UHRF2: variants seen among roughly 807,000 people sequenced by gnomAD.
UHRF2 encodes the protein E3 ubiquitin-protein ligase UHRF2.
A neutral mutation model predicts 96.8 loss-of-function variants in UHRF2; 23 were observed. The ratio of observed to expected loss-of-function variants is 0.24; its 90% CI spans 0.17 to 0.34. The LOEUF (loss-of-function observed/expected upper bound fraction) is 0.34. Ranked by LOEUF, UHRF2 falls within the 10% of genes least tolerant of loss-of-function variation. The pLI is 1.00. For synonymous variants in UHRF2, 385 were observed against 332.6 expected, an observed-to-expected ratio of 1.16 and a Z score of -1.72; for missense variants, 685 against 981.5, an observed-to-expected ratio of 0.70 and a Z score of 4.04.
intron 9 of UHRF2, 42 bp downstream of exon 9, chr9:6,486,967 C>A (rs1311176355): frequency 6.3e-7 from 1 of 1,578,900 alleles, no homozygotes; most frequent in Non-Finnish European, 8.7e-7. Flanking sequence ...CCTGCCTTGA[C>A]CATTTGTAAA....
intron 6 of UHRF2, among the ~76,000 whole-genome samples, chr9:6,480,315 G>C (rs752250723): frequency 2.6e-5 from 4 of 152,142 alleles, no homozygotes; most frequent in African/African-American, 9.7e-5. Context: ...AATTCTTTCC[G>C]TATATGTTCT....
intron 9 of UHRF2, among the ~76,000 whole-genome samples, chr9:6,488,371 T>C (rs1003251373): frequency 2.1e-5 from 3 of 141,502 alleles, no homozygotes; most frequent in Non-Finnish European, 4.5e-5. Flanking sequence ...TGCAAAACTA[T>C]ATAGTACAAT....
intron 6 of UHRF2, among the ~76,000 whole-genome samples, chr9:6,479,211 C>G (rs1212528226): frequency 1.3e-5 from 2 of 152,100 alleles, no homozygotes; most frequent in African/African-American, 2.4e-5. Flanking sequence ...TTTCCATTTC[C>G]TCTCCTATTC....
chr9:6,415,874 C>G (rs1819567526), intron 1 of UHRF2, among the ~76,000 whole-genome samples: 1 of 152,176 alleles, frequency 6.6e-6, no homozygotes, highest in African/African-American at 2.4e-5. Flanking sequence ...TAGTCTCCCA[C>G]TAGTCTCTTA....
At chr9:6,475,234 A>G (rs552640595) in intron 4 of UHRF2, among the ~76,000 whole-genome samples, 157 bp from the exon 5 acceptor site, 83 of 152,142 alleles carry the variant, frequency 5.5e-4, no homozygotes, top group Non-Finnish European at 9.7e-4. Context: ...GACTTTTCCT[A>G]CTATTGAAAA....
At chr9:6,434,599 TG>T (rs1820729737) in intron 3 of UHRF2, among the ~76,000 whole-genome samples, 1 of 151,900 alleles carries the variant, frequency 6.6e-6, no homozygotes, top group Admixed American at 6.6e-5. Flanking sequence ...TCACCACGCC[TG>T]ATTAATTCTT....
At chr9:6,453,113 ATATATAATCCAC>A (rs1272580738) in intron 3 of UHRF2, among the ~76,000 whole-genome samples, 1 of 152,192 alleles carries the variant, frequency 6.6e-6, no homozygotes, top group Non-Finnish European at 1.5e-5. Flanking sequence ...CAGATAGAAT[ATATATAATCCAC>A]TATATAATTC....
chr9:6,465,762 A>G (rs553555310), intron 4 of UHRF2, among the ~76,000 whole-genome samples: 6 of 152,306 alleles, frequency 3.9e-5, no homozygotes, highest in Non-Finnish European at 7.4e-5. Context: ...GAAGAAGCAA[A>G]TAGAGGACAT....
chr9:6,445,505 C>T (rs1209924046), intron 3 of UHRF2, among the ~76,000 whole-genome samples: 3 of 152,204 alleles, frequency 2.0e-5, no homozygotes, highest in East Asian at 3.8e-4. Context: ...AAGTGATCCA[C>T]CTGCCTCGGC....
chr9:6,487,183 T>TTTATTTTTTATTTTTTA (rs1824345709), intron 9 of UHRF2, among the ~76,000 whole-genome samples: 1 of 52,196 alleles, frequency 1.9e-5, no homozygotes, highest in African/African-American at 8.5e-5. Flanking sequence ...TTTTTTTTCC[T>TTTATTTTTTATTTTTTA]TTTTTTTTTT....
chr9:6,491,370 A>G (rs905553372), intron 9 of UHRF2, among the ~76,000 whole-genome samples: 4 of 152,234 alleles, frequency 2.6e-5, no homozygotes, highest in Admixed American at 6.5e-5. Context: ...AATTAATTAT[A>G]CGTAAAATGC....
intron 4 of UHRF2, among the ~76,000 whole-genome samples, chr9:6,474,077 A>G (rs1019072771): frequency 6.6e-6 from 1 of 152,168 alleles, no homozygotes; most frequent in African/African-American, 2.4e-5. Flanking sequence ...ATTAAGGTAA[A>G]TATAACTTCG....
At position 6,506,194 on chromosome 9, in the gene UHRF2, C is replaced by G. The variant is rs762872526; in HGVS notation, c.*15C>G. ...AAGGACGATGATCTGCCTGCTTTCA[C>G]TGTGTTGTTCATGGTGGCTTTTTGG... On this transcript the variant is annotated 3_prime_UTR_variant, in exon 16 of 16. Coordinates refer to ENST00000276893, the MANE Select transcript of UHRF2 (RefSeq NM_152896.3). The G allele has an allele frequency of 3.1e-6, 5 of 1,613,282 alleles. 1 individual carries two copies. The highest frequency in any genetic ancestry group is 4.2e-6 in the Non-Finnish European group (5 of 1,179,564).
At chr9:6,465,386 G>T (rs1202063738) in intron 4 of UHRF2, among the ~76,000 whole-genome samples, 1 of 152,106 alleles carries the variant, frequency 6.6e-6, no homozygotes, top group East Asian at 1.9e-4. Context: ...TTGTGTCCTT[G>T]TCTTGAATGT....
chr9:6,445,998 T>TTTTTTTTTTTTTTTC (rs772184475), intron 3 of UHRF2, among the ~76,000 whole-genome samples: 2 of 129,868 alleles, frequency 1.5e-5, no homozygotes, highest in Non-Finnish European at 3.2e-5. Flanking sequence ...TTTTTTTTTT[T>TTTTTTTTTTTTTTTC]TTCCTGTTTT....
intron 3 of UHRF2, among the ~76,000 whole-genome samples, chr9:6,435,477 C>A (rs1389803088): frequency 6.6e-6 from 1 of 152,156 alleles, no homozygotes; most frequent in African/African-American, 2.4e-5. Context: ...TACAGTTTAC[C>A]TGTTTAAAGA....
At chr9:6,461,776 T>G (rs927992695) in intron 4 of UHRF2, among the ~76,000 whole-genome samples, 7 of 152,182 alleles carry the variant, frequency 4.6e-5, no homozygotes, top group African/African-American at 1.7e-4. Flanking sequence ...ACATTATCAC[T>G]CTTTTTCTGT....
intron 14 of UHRF2, among the ~76,000 whole-genome samples, chr9:6,501,845 A>G (rs1212843616): frequency 6.6e-6 from 1 of 152,218 alleles, no homozygotes; most frequent in Non-Finnish European, 1.5e-5. Context: ...ATTGGGAAAG[A>G]TAGGGCTTGT....
intron 2 of UHRF2, among the ~76,000 whole-genome samples, chr9:6,421,911 A>G (rs1819953140): frequency 6.6e-6 from 1 of 152,152 alleles, no homozygotes; most frequent in Non-Finnish European, 1.5e-5. Flanking sequence ...CTCAGCATTG[A>G]AAGATTCTCT....
Sources: allele counts gnomAD v4.1 joint callset (sites outside exome capture counted in the v4.1 genomes callset), GRCh38; gene constraint gnomAD v4.1.1; transcripts MANE v1.5; gene names NCBI Gene and HGNC (gene_info 2026-07-23, HGNC 2026-07-21).